EYS: variants seen among roughly 807,000 people sequenced by gnomAD.
The protein encoded by EYS is protein eyes shut homolog.
EYS carries 250 observed loss-of-function variants against 282.1 expected under a neutral mutation model. That is an observed-to-expected ratio of 0.89 (90% CI 0.80 to 0.98). The LOEUF (loss-of-function observed/expected upper bound fraction) is 0.98, where lower values mean the gene tolerates loss of function less well. Ranked by LOEUF, EYS falls within the 50% of genes least tolerant of loss-of-function variation. The probability of loss-of-function intolerance (pLI) is 0.00; values close to 1 mark genes in which losing one functional copy is unlikely to be tolerated. For missense variants in EYS, 4,016 were observed against 3,709.0 expected (o/e 1.08, Z -2.15); for synonymous variants, 1,355 against 1,282.9 (o/e 1.06, Z -1.20).
intron 8 of EYS, among the ~76,000 whole-genome samples, chr6:65,377,625 T>C (rs1391555054): frequency 1.3e-5 from 2 of 151,498 alleles, no homozygotes; most frequent in African/African-American, 2.4e-5. Flanking sequence ...GATAGACCAC[T>C]AGCCAGTCTA....
intron 22 of EYS, among the ~76,000 whole-genome samples, chr6:64,731,719 T>C (rs1472321224): frequency 6.6e-6 from 1 of 152,176 alleles, no homozygotes; most frequent in Non-Finnish European, 1.5e-5. Flanking sequence ...GGTGGGAATG[T>C]AAATTAGTTT....
chr6:63,761,636 T>A (rs1259803108), intron 41 of EYS, among the ~76,000 whole-genome samples: 1 of 152,000 alleles, frequency 6.6e-6, no homozygotes, highest in African/African-American at 2.4e-5. Flanking sequence ...GGTGATTGAC[T>A]CCTGTACTCT....
intron 2 of EYS, among the ~76,000 whole-genome samples, chr6:65,630,783 T>C (rs911308565): frequency 2.6e-5 from 4 of 152,176 alleles, no homozygotes; most frequent in Non-Finnish European, 5.9e-5. Flanking sequence ...TTGTCTAAAA[T>C]AGTAAAACAA....
Position 65,519,686 on chromosome 6 carries a change from CTATATA to C in EYS, c.-332-23699_-332-23694del, listed in dbSNP as rs1158150622. Among the ~76,000 whole-genome samples, 175 of 39,738 alleles carry C rather than the reference CTATATA, an allele frequency of 4.4e-3. 4 individuals carry two copies. The highest frequency in any genetic ancestry group is 0.018 in the African/African-American group (154 of 8,502). 26.1% of individuals were successfully genotyped at this position (39,738 alleles called of 152,430 possible). A position where few individuals can be genotyped will look rare whatever the true frequency, so the allele number is the denominator to read the frequency against. On this transcript the variant is annotated intron_variant, in intron 2 of 42. Transcript: ENST00000503581. ...AGAACACTTGCAAAAACTATAATAA[CTATATA>C]TATATATATATATATATTTTTTTTT... is the stretch of plus-strand genomic sequence containing the variant.
At position 64,307,084 on chromosome 6, in the gene EYS, T is replaced by TGAGA. The variant is rs35395170; in HGVS notation, c.6079-6_6079-3dup. 6.8e-6 allele frequency: 6 copies of TGAGA among 880,382 alleles called. No individual in the cohort carries two copies. The highest frequency in any genetic ancestry group is 2.2e-4 in the Middle Eastern group (1 of 4,462). 54.5% of individuals were successfully genotyped at this position (880,382 alleles called of 1,614,324 possible). A position where few individuals can be genotyped will look rare whatever the true frequency, so the allele number is the denominator to read the frequency against. On this transcript the variant is annotated splice_region_variant and splice_polypyrimidine_tract_variant and intron_variant, in intron 29 of 42. Transcript: ENST00000503581. ...AAAATTCTTGACTGGTACAGGCATCTGAGAGAGAGAGAGAGAGAGAGAAGT... is the reference window on the plus strand; with the variant it reads ...AAAATTCTTGACTGGTACAGGCATCTGAGAGAGAGAGAGAGAGAGAGAGAGAAGT...
chr6:64,743,436 T>C (rs181036914), intron 22 of EYS, among the ~76,000 whole-genome samples: 2 of 152,232 alleles, frequency 1.3e-5, no homozygotes, highest in East Asian at 3.9e-4. Flanking sequence ...TTATTGGTTA[T>C]AGAAATAGTA....
intron 32 of EYS, among the ~76,000 whole-genome samples, chr6:64,070,890 C>T (rs559080537): frequency 6.6e-6 from 1 of 151,994 alleles, no homozygotes; most frequent in East Asian, 1.9e-4. Flanking sequence ...TTCATTATGA[C>T]TTTTACACCA....
intron 20 of EYS, among the ~76,000 whole-genome samples, chr6:64,822,214 C>A (rs1052935839): frequency 5.3e-5 from 8 of 152,116 alleles, no homozygotes; most frequent in African/African-American, 1.9e-4. Flanking sequence ...ATGATCAGAG[C>A]AGTTATTATA....
At chr6:65,256,592 C>T (rs1767474164) in intron 12 of EYS, among the ~76,000 whole-genome samples, 1 of 66,584 alleles carries the variant, frequency 1.5e-5, no homozygotes, top group Non-Finnish European at 2.8e-5. Context: ...CTACAAAGGA[C>T]ATGAACTCAT....
chr6:63,761,577 A>G (rs1769643254), intron 41 of EYS, among the ~76,000 whole-genome samples: 1 of 152,072 alleles, frequency 6.6e-6, no homozygotes, highest in South Asian at 2.1e-4. Context: ...TATGAATATG[A>G]TACTACAATA....
intron 33 of EYS, among the ~76,000 whole-genome samples, chr6:64,043,358 GATGA>G (rs963157831): frequency 1.3e-5 from 2 of 152,190 alleles, no homozygotes; most frequent in African/African-American, 4.8e-5. Context: ...ATAGCAACAG[GATGA>G]ATATTTATTG....
At chr6:64,411,311 A>T (rs865897633) in intron 28 of EYS, among the ~76,000 whole-genome samples, 22 of 152,120 alleles carry the variant, frequency 1.4e-4, no homozygotes, top group African/African-American at 5.1e-4. Flanking sequence ...ATAAAACATA[A>T]AACAGTAACA....
At chr6:64,900,180 G>A (rs1236444699) in intron 18 of EYS, among the ~76,000 whole-genome samples, 1 of 152,186 alleles carries the variant, frequency 6.6e-6, no homozygotes, top group Non-Finnish European at 1.5e-5. Flanking sequence ...TTAGCCATAT[G>A]CAGAACTCTG....
intron 19 of EYS, among the ~76,000 whole-genome samples, chr6:64,865,068 A>G (rs11759683): frequency 1.3e-5 from 2 of 151,982 alleles, no homozygotes; most frequent in Non-Finnish European, 2.9e-5. Flanking sequence ...TGCAGATATC[A>G]AGATTCTCTA....
intron 35 of EYS, among the ~76,000 whole-genome samples, chr6:63,904,134 G>A (rs1038849167): frequency 5.9e-5 from 9 of 152,094 alleles, no homozygotes; most frequent in African/African-American, 2.2e-4. Flanking sequence ...GTGGGCCTGC[G>A]AGGCTCAGCT....
intron 22 of EYS, among the ~76,000 whole-genome samples, chr6:64,646,723 T>C (rs548958387): frequency 6.6e-6 from 1 of 151,286 alleles, no homozygotes; most frequent in East Asian, 2.0e-4. Flanking sequence ...GAGAATGGCG[T>C]GAACCCGGGA....
intron 30 of EYS, among the ~76,000 whole-genome samples, chr6:64,301,606 T>C (rs1000029024): frequency 6.6e-6 from 1 of 152,204 alleles, no homozygotes; most frequent in African/African-American, 2.4e-5. Context: ...CCTGATATCA[T>C]CAGGATTCCT....
chr6:65,699,960 A>C (rs1028525141), intron 1 of EYS, among the ~76,000 whole-genome samples: 4 of 151,142 alleles, frequency 2.6e-5, no homozygotes, highest in Non-Finnish European at 5.9e-5. Context: ...TAAAAATACA[A>C]AAAAATTAGC....
At chr6:65,562,905 G>T (rs1769121883) in intron 2 of EYS, among the ~76,000 whole-genome samples, 1 of 151,996 alleles carries the variant, frequency 6.6e-6, no homozygotes, top group Admixed American at 6.6e-5. Flanking sequence ...ATATCTGTGG[G>T]TGGTTTGAAG....
Sources: gnomAD v4.1 joint callset for allele counts (sites outside exome capture counted in the v4.1 genomes callset) on GRCh38, gnomAD v4.1.1 for gene constraint, MANE v1.5 for transcripts, NCBI Gene and HGNC (gene_info 2026-07-23, HGNC 2026-07-21) for gene names.